AOC2: variants seen among roughly 807,000 people sequenced by gnomAD.
AOC2 encodes amine oxidase copper containing 2, also known as amine oxidase [copper-containing] 2.
Under a neutral mutation model 53.8 loss-of-function variants are expected in AOC2, and 57 were observed. The ratio of observed to expected loss-of-function variants is 1.06; its 90% CI spans 0.86 to 1.32. AOC2 has a LOEUF of 1.32. Among genes scored for constraint, AOC2 ranks in the 40% most tolerant of loss-of-function variants. AOC2 has a pLI of 0.00. For missense variants in AOC2, 1,008 were observed against 957.2 expected, an observed-to-expected ratio of 1.05 and a Z score of -0.70; for synonymous variants, 404 against 399.0, an observed-to-expected ratio of 1.01 and a Z score of -0.15.
chr17:42,848,065 C>G (rs935774068), intron 1 of AOC2, among the ~76,000 whole-genome samples: 29 of 101,344 alleles, frequency 2.9e-4, no homozygotes, highest in East Asian at 2.4e-3. Flanking sequence ...CATGCCCGGC[C>G]TTTTTTTTTT....
At position 42,845,684 on chromosome 17, in the gene AOC2, T is replaced by A. The variant is rs1292854268; in HGVS notation, c.1058T>A (p.Ile353Lys). The change falls in exon 1 of 4, where the codon ATA (isoleucine) becomes AAA (lysine). Residue 353 changes from isoleucine (I) to lysine (K), a missense_variant. Transcript: ENST00000253799. ...GATGTTCGGTTCCAGGGTGAGCGAATAGCCTATGAAGTCAGTGTCCAGGAG... is the reference window on the plus strand; with the variant it reads ...GATGTTCGGTTCCAGGGTGAGCGAAAAGCCTATGAAGTCAGTGTCCAGGAG... ...IFDVRFQGER[I>K]AYEVSVQECV... The A allele has an allele frequency of 1.2e-6, 2 of 1,614,184 alleles. No individual in the cohort carries two copies. Among genetic ancestry groups the A allele is most frequent in the Admixed American group, 1.7e-5 (1 of 60,030 alleles).
At position 42,849,696 on chromosome 17, in the gene AOC2, C is replaced by T. The variant is rs141066496; in HGVS notation, c.1970C>T (p.Ala657Val). Residue 657 changes from alanine (A) to valine (V), a missense_variant, in exon 3 of 4, where the codon GCT (alanine) becomes GTT (valine). Ala to Val is a moderately conservative substitution (Grantham distance 64). Transcript: ENST00000253799. ...ATCTGGACACCCACAGTTACCTTTG[C>T]TGACTTCATCAACAATGAAACCCTC... ...NDIWTPTVTF[A>V]DFINNETLLG... 2 of 1,614,262 alleles carry T rather than the reference C, an allele frequency of 1.2e-6. No homozygotes were observed. The highest frequency in any genetic ancestry group is 3.3e-5 in the Admixed American group (2 of 60,032).
Position 42,846,651 on chromosome 17 carries a change from T to A in AOC2, c.1588+437T>A, listed in dbSNP as rs3744236. On this transcript the variant is annotated intron_variant, in intron 1 of 3. Transcript: ENST00000253799. Reference sequence around the variant, plus strand: ...GTCGGAAGAAGTCTGTCCAGAGTCTTCAGGGTGGGGGTCGACCTGGGGCTT... The same window carrying A: ...GTCGGAAGAAGTCTGTCCAGAGTCTACAGGGTGGGGGTCGACCTGGGGCTT... Among the ~76,000 whole-genome samples the A allele has an allele frequency of 7.2e-5, 11 of 152,108 alleles. 1 individual carries two copies. In the East Asian group the frequency reaches 2.1e-3, roughly 30 times the overall value.
chr17:42,849,287 G>C lies in AOC2; in HGVS notation c.1790G>C (p.Arg597Pro). Reference protein sequence around the residue: ...SNQTNAWGHQRGYRIQIHSPL... With the variant: ...SNQTNAWGHQPGYRIQIHSPL... ...CAGACTAATGCGTGGGGTCACCAGC[G>C]CGGGTACCGAATCCAGATCCACAGC... Residue 597 changes from arginine to proline, a missense_variant, in exon 2 of 4, where the codon CGC (arginine) becomes CCC (proline). Arg to Pro is a moderately radical substitution (Grantham distance 103). Transcript: ENST00000253799. The C allele has an allele frequency of 6.2e-7, 1 of 1,614,122 alleles. No individual in the cohort carries two copies.
At position 42,850,270 on chromosome 17, in the gene AOC2, C is replaced by A. The variant is rs1219419782; in HGVS notation, c.2193C>A (p.Ser731Arg). 1 of 1,614,192 alleles carries A rather than the reference C, an allele frequency of 6.2e-7. No homozygotes were observed. ...FEKGQDAGLC[S>R]INPVACLPDL... Reference sequence around the variant, plus strand: ...AGGGCCAGGATGCTGGGCTCTGCAGCATCAATCCTGTGGCCTGCCTCCCCG... The same window carrying A: ...AGGGCCAGGATGCTGGGCTCTGCAGAATCAATCCTGTGGCCTGCCTCCCCG... The change falls in exon 4 of 4, where the codon AGC (serine) becomes AGA (arginine). Residue 731 changes from serine (S) to arginine (R), a missense_variant. Transcript: ENST00000253799.
At chr17:42,846,237 T>C (rs2055598995) in intron 1 of AOC2, 23 bp downstream of exon 1, 1 of 1,226,392 alleles carries the variant, frequency 8.2e-7, no homozygotes. Flanking sequence ...GGGATGAGGA[T>C]GGAGACTTGG....
Position 42,850,205 on chromosome 17 carries a change from G to C in AOC2, c.2128G>C (p.Asp710His), listed in dbSNP as rs2055641371. The change falls in exon 4 of 4, where the codon GAC becomes CAC. Residue 710 changes from aspartate to histidine, a missense_variant. Transcript: ENST00000253799. ...CCGACCCTATAACTTCTTTGATGAG[G>C]ACCCCTCCATCTTCTCCCCTGGCAG... ...LLRPYNFFDEDPSIFSPGSVY... is the reference protein window; with the variant it reads ...LLRPYNFFDEHPSIFSPGSVY... 1.9e-6 allele frequency: 3 copies of C among 1,614,024 alleles called. No homozygotes were observed. The Admixed American group carries it at 5.0e-5, about 27-fold the overall frequency.
Position 42,849,333 on chromosome 17 carries a change from C to CT in AOC2, c.1836_1837insT (p.Leu613SerfsTer4). 6.2e-7 allele frequency: 1 copy of CT among 1,613,922 alleles called. No individual in the cohort carries two copies. The highest frequency in any genetic ancestry group is 2.2e-5 in the East Asian group (1 of 44,888). ...ACAGCCCCCTTGGCATACACATACC[C>CT]CTGGAGAGTGACATGGAGAGGGCCC... On this transcript the variant is annotated frameshift_variant, in exon 2 of 4. Transcript: ENST00000253799. LOFTEE classifies it high-confidence loss of function.
Position 42,848,975 on chromosome 17 carries a change from C to T in AOC2, c.1589-111C>T, listed in dbSNP as rs554055609. The T allele has an allele frequency of 9.4e-6, 11 of 1,174,732 alleles. No individual in the cohort carries two copies. In the East Asian group the frequency reaches 1.0e-4, roughly 11 times the overall value. The allele number at this position is 1,174,732 out of a possible 1,614,324, so 72.8% of individuals were successfully genotyped here. A position where few individuals can be genotyped will look rare whatever the true frequency, so the allele number is the denominator to read the frequency against. ...GCTCCCAGCACAGTGTGCTCTGATG[C>T]TCTCTCTGCCTTTTGTCACACCAGT... On this transcript the variant is annotated intron_variant, in intron 1 of 3. Transcript: ENST00000253799.
Position 42,844,635 on chromosome 17 carries a change from C to T in AOC2, c.9C>T (p.Leu3=). 1.2e-6 allele frequency: 2 copies of T among 1,610,600 alleles called. No homozygotes were observed. Among genetic ancestry groups the T allele is most frequent in the Non-Finnish European group, 1.7e-6 (2 of 1,177,374 alleles). Residue 3 remains leucine, a synonymous_variant, in exon 1 of 4, where the codon CTC becomes CTT. Coordinates refer to ENST00000253799, the MANE Select transcript of AOC2 (RefSeq NM_009590.4). MH[L]KIVLAFLALS... is the part of the protein sequence containing the mutation. ...AGCTCTCAGCATCCACCATGCATCT[C>T]AAGATAGTCCTGGCGTTCCTGGCAC...
At chr17:42,846,906 C>G (rs901198353) in intron 1 of AOC2, among the ~76,000 whole-genome samples, 1 of 152,200 alleles carries the variant, frequency 6.6e-6, no homozygotes, top group Non-Finnish European at 1.5e-5. Context: ...ACACACTGAT[C>G]CACAAAGAAA....
chr17:42,846,240 A>G (rs2144273732), intron 1 of AOC2, 26 bp downstream of exon 1: 1 of 1,404,656 alleles, frequency 7.1e-7, no homozygotes, highest in East Asian at 2.6e-5. Flanking sequence ...ATGAGGATGG[A>G]GACTTGGGGG....
Position 42,850,371 on chromosome 17 carries a change from G to C in AOC2, c.*23G>C, listed in dbSNP as rs371391603. On this transcript the variant is annotated 3_prime_UTR_variant, in exon 4 of 4. Coordinates refer to ENST00000253799, the MANE Select transcript of AOC2 (RefSeq NM_009590.4). ...TAGTCCTGAGGGTGTGGCGGGCGGC[G>C]TGGTTAGGCACATGTACTTTTCCCT... 2 of 1,565,978 alleles carry C rather than the reference G, an allele frequency of 1.3e-6. No homozygotes were observed. The highest frequency in any genetic ancestry group is 1.8e-5 in the Admixed American group (1 of 56,044).
chr17:42,844,922 T>C lies in AOC2; in HGVS notation c.296T>C (p.Leu99Pro). Residue 99 changes from leucine (L) to proline (P), a missense_variant, in exon 1 of 4, where the codon CTG becomes CCG. Physicochemically the swap from Leu to Pro is moderately conservative, Grantham distance 98. Transcript: ENST00000253799. The stretch of plus-strand genomic sequence containing the variant: ...TGCATCTTCTCAGTGGAGCTGCAGC[T>C]GCCCCCCAAGGCTGCAGCCCTGGCC... Reference protein sequence around the residue: ...DNCIFSVELQLPPKAAALAHL... With the variant: ...DNCIFSVELQPPPKAAALAHL... The C allele has an allele frequency of 6.2e-7, 1 of 1,612,860 alleles. No homozygotes were observed. The highest frequency in any genetic ancestry group is 8.5e-7 in the Non-Finnish European group (1 of 1,179,346).
intron 1 of AOC2, among the ~76,000 whole-genome samples, chr17:42,848,786 C>T (rs756871207): frequency 1.3e-5 from 2 of 151,864 alleles, no homozygotes; most frequent in African/African-American, 4.8e-5. Context: ...CCTGGGCTCA[C>T]ATGATCCACC....
intron 1 of AOC2, among the ~76,000 whole-genome samples, chr17:42,846,933 A>G (rs2055604285): frequency 6.6e-6 from 1 of 152,182 alleles, no homozygotes; most frequent in Non-Finnish European, 1.5e-5. Flanking sequence ...AACTCACCAG[A>G]CCCTCTCCAT....
intron 1 of AOC2, among the ~76,000 whole-genome samples, chr17:42,846,744 T>C (rs1269446818): frequency 6.6e-6 from 1 of 152,144 alleles, no homozygotes; most frequent in Non-Finnish European, 1.5e-5. Flanking sequence ...GGGAGGGCCA[T>C]CCCATTCCTG....
chr17:42,848,768 C>T (rs952222024), intron 1 of AOC2, among the ~76,000 whole-genome samples: 1 of 151,836 alleles, frequency 6.6e-6, no homozygotes, highest in East Asian at 1.9e-4. Context: ...ACAGGCTGGT[C>T]TCAAACTCCT....
chr17:42,848,548 T>TATATATATAC (rs1555552844), intron 1 of AOC2, among the ~76,000 whole-genome samples: 22 of 131,092 alleles, frequency 1.7e-4, no homozygotes, highest in African/African-American at 6.7e-4. Context: ...TATATATACA[T>TATATATATAC]ATATATATAT....
Sources: gnomAD v4.1 joint callset for allele counts (sites outside exome capture counted in the v4.1 genomes callset) on GRCh38, gnomAD v4.1.1 for gene constraint, MANE v1.5 for transcripts, NCBI Gene and HGNC (gene_info 2026-07-23, HGNC 2026-07-21) for gene names.